Variants in NEURL1 observed in about 807,000 individuals in gnomAD.
NEURL1 encodes the protein E3 ubiquitin-protein ligase NEURL1.
NEURL1 carries 26 observed loss-of-function variants against 41.2 expected under a neutral mutation model. The ratio of observed to expected loss-of-function variants is 0.63; its 90% confidence interval spans 0.46 to 0.87. The LOEUF (loss-of-function observed/expected upper bound fraction) is 0.87, where lower values mean the gene tolerates loss of function less well. Ranked by LOEUF, NEURL1 falls within the 40% of genes least tolerant of loss-of-function variation. The pLI is 0.00. For missense variants in NEURL1, 761 were observed against 871.1 expected (o/e 0.87, Z 1.59); for synonymous variants, 400 against 402.3 (o/e 0.99, Z 0.07).
chr10:103,538,025 A>G (rs1055577663), intron 1 of NEURL1, among the ~76,000 whole-genome samples: 3 of 152,106 alleles, frequency 2.0e-5, no homozygotes, highest in Non-Finnish European at 4.4e-5. Flanking sequence ...TTTTTTCTCT[A>G]GCTTCTTTCA....
intron 4 of NEURL1, among the ~76,000 whole-genome samples, chr10:103,588,517 C>G (rs1342079946): frequency 6.6e-6 from 1 of 152,100 alleles, no homozygotes; most frequent in East Asian, 1.9e-4. Context: ...GCTCCCTGGA[C>G]AGCCAGCTCT....
chr10:103,551,503 C>T (rs1400138732), intron 1 of NEURL1, among the ~76,000 whole-genome samples: 2 of 151,978 alleles, frequency 1.3e-5, no homozygotes, highest in Non-Finnish European at 2.9e-5. Context: ...GGGGTTTCAC[C>T]ATGTTGGCAA....
chr10:103,563,693 C>T (rs970416620), intron 1 of NEURL1, among the ~76,000 whole-genome samples: 2 of 152,128 alleles, frequency 1.3e-5, no homozygotes, highest in Non-Finnish European at 2.9e-5. Flanking sequence ...TAGCAACTAC[C>T]TACTGAGTTT....
At chr10:103,519,616 T>A (rs1324387466) in intron 1 of NEURL1, among the ~76,000 whole-genome samples, 1 of 152,160 alleles carries the variant, frequency 6.6e-6, no homozygotes, top group Non-Finnish European at 1.5e-5. Flanking sequence ...GTTCCCTCCA[T>A]AGAGATTAAG....
chr10:103,566,454 C>T lies in NEURL1; in HGVS notation c.86-4418C>T, dbSNP rs1014925392. On this transcript the variant is annotated intron_variant, in intron 1 of 5. Coordinates refer to ENST00000369780, the MANE Select transcript of NEURL1 (RefSeq NM_004210.5). The surrounding 1 kb of genome is among the most constrained non-coding windows in gnomAD (Gnocchi z 4.2). The stretch of plus-strand genomic sequence containing the variant: ...TTCCAAAATATCATACGGATGGAAT[C>T]GTACAGCATACAGCCCTTTGCATCT... Among the ~76,000 whole-genome samples the T allele has an allele frequency of 2.4e-4, 37 of 152,152 alleles. No homozygotes were observed. Among genetic ancestry groups the T allele is most frequent in the African/African-American group, 6.5e-4 (27 of 41,430 alleles).
chr10:103,545,452 A>C lies in NEURL1; in HGVS notation c.86-25420A>C, dbSNP rs1359578132. On this transcript the variant is annotated intron_variant, in intron 1 of 5. Coordinates refer to ENST00000369780, the MANE Select transcript of NEURL1 (RefSeq NM_004210.5). The surrounding 1 kb of genome is among the most constrained non-coding windows in gnomAD (Gnocchi z 4.5). Reference sequence around the variant, plus strand: ...CTGGAGGTGTAGTAGCAGGGGACAGAGTTCCTTCCTGGACTCAGTGGGGAT... The same window carrying C: ...CTGGAGGTGTAGTAGCAGGGGACAGCGTTCCTTCCTGGACTCAGTGGGGAT... 6.6e-6 allele frequency among the ~76,000 whole-genome samples: 1 copy of C among 152,166 alleles called. No individual in the cohort carries two copies. The highest frequency in any genetic ancestry group is 1.5e-5 in the Non-Finnish European group (1 of 68,022).
intron 1 of NEURL1, among the ~76,000 whole-genome samples, chr10:103,541,548 C>T (rs138228442): frequency 1.4e-4 from 21 of 152,316 alleles, no homozygotes; most frequent in Middle Eastern, 3.4e-3. Flanking sequence ...CCCTGCCACA[C>T]GCATCACTAG....
At chr10:103,518,102 G>A (rs1350632606) in intron 1 of NEURL1, among the ~76,000 whole-genome samples, 1 of 152,114 alleles carries the variant, frequency 6.6e-6, no homozygotes, top group Admixed American at 6.5e-5. Context: ...TGGACTGGGA[G>A]TACCTTATTT....
At chr10:103,515,187 C>T (rs915279183) in intron 1 of NEURL1, among the ~76,000 whole-genome samples, 3 of 142,896 alleles carry the variant, frequency 2.1e-5, no homozygotes, top group Non-Finnish European at 3.0e-5. Context: ...GAGATCACGC[C>T]GCCGTACTCC....
At chr10:103,499,067 C>G (rs751470837) in intron 1 of NEURL1, among the ~76,000 whole-genome samples, 1 of 152,214 alleles carries the variant, frequency 6.6e-6, no homozygotes, top group Non-Finnish European at 1.5e-5. Context: ...GTACACCTCC[C>G]ATCTTTCAAA....
intron 1 of NEURL1, among the ~76,000 whole-genome samples, chr10:103,519,942 C>T (rs962669761): frequency 2.8e-4 from 42 of 151,972 alleles, no homozygotes; most frequent in African/African-American, 1.0e-3. Flanking sequence ...TACCAGCATA[C>T]TCTGGCTAAT....
At chr10:103,505,464 A>G (rs1371518597) in intron 1 of NEURL1, among the ~76,000 whole-genome samples, 1 of 152,102 alleles carries the variant, frequency 6.6e-6, no homozygotes, top group East Asian at 1.9e-4. Flanking sequence ...ACCTCAGGTG[A>G]TCTGTCCACC....
chr10:103,581,254 A>C (rs2035778847), intron 3 of NEURL1, among the ~76,000 whole-genome samples: 1 of 152,078 alleles, frequency 6.6e-6, no homozygotes, highest in East Asian at 1.9e-4. Context: ...CAGACATTTA[A>C]ACCTAGGCCT....
intron 1 of NEURL1, among the ~76,000 whole-genome samples, chr10:103,495,687 A>G (rs2033666214): frequency 6.6e-6 from 1 of 152,206 alleles, no homozygotes; most frequent in African/African-American, 2.4e-5. Context: ...AGATAGGACC[A>G]CTGTCCTGCA....
chr10:103,568,586 T>G (rs2035474016), intron 1 of NEURL1, among the ~76,000 whole-genome samples: 1 of 152,154 alleles, frequency 6.6e-6, no homozygotes, highest in African/African-American at 2.4e-5. Flanking sequence ...TGCACATGTT[T>G]AAAGTGTCCA....
At chr10:103,543,706 T>C (rs1289016171) in intron 1 of NEURL1, among the ~76,000 whole-genome samples, 1 of 152,150 alleles carries the variant, frequency 6.6e-6, no homozygotes, top group African/African-American at 2.4e-5. Context: ...TGGAGAGGGA[T>C]AGTCTGGTCT....
At position 103,522,451 on chromosome 10, in the gene NEURL1, T is replaced by A. The variant is rs1293583496; in HGVS notation, c.85+27979T>A. 5.1e-4 allele frequency among the ~76,000 whole-genome samples: 58 copies of A among 112,654 alleles called. No homozygotes were observed. The South Asian group carries it at 0.015, about 29-fold the overall frequency. The allele number at this position is 112,654 out of a possible 152,430, so 73.9% of individuals were successfully genotyped here. A position where few individuals can be genotyped will look rare whatever the true frequency, so the allele number is the denominator to read the frequency against. The stretch of plus-strand genomic sequence containing the variant: ...GAAGAAACCCCATCTCTACTAATAA[T>A]ACAAAAAAAAAAAATTAGCCGGGTG... On this transcript the variant is annotated intron_variant, in intron 1 of 5. Coordinates refer to ENST00000369780, the MANE Select transcript of NEURL1 (RefSeq NM_004210.5).
intron 1 of NEURL1, among the ~76,000 whole-genome samples, chr10:103,564,884 G>A (rs1335762604): frequency 6.6e-6 from 1 of 152,150 alleles, no homozygotes; most frequent in Non-Finnish European, 1.5e-5. Context: ...ATGCCAGGAT[G>A]GAGGAGGGGG....
At chr10:103,543,426 G>T (rs2034861712) in intron 1 of NEURL1, among the ~76,000 whole-genome samples, 9 of 152,336 alleles carry the variant, frequency 5.9e-5, no homozygotes, top group Admixed American at 5.9e-4. Context: ...ACAGGGACCT[G>T]GGGCACTGGA....
Sources: allele counts gnomAD v4.1 joint callset (sites outside exome capture counted in the v4.1 genomes callset), GRCh38; gene constraint gnomAD v4.1.1; non-coding constraint Gnocchi (gnomAD v3.1); transcripts MANE v1.5; gene names NCBI Gene and HGNC (gene_info 2026-07-23, HGNC 2026-07-21).